The following GLYATL2 variants were observed in gnomAD, a reference collection of about 807,000 sequenced individuals.
GLYATL2 encodes the protein glycine-N-acyltransferase like 2, also known as glycine N-acyltransferase-like protein 2.
In GLYATL2, 25 loss-of-function variants were observed where a neutral mutation model predicts 21.4. The observed-to-expected ratio is 1.17, with a 90% CI of 0.85 to 1.63. GLYATL2 has a LOEUF of 1.63. Among genes scored for constraint, GLYATL2 ranks in the 40% most tolerant of loss-of-function variants. GLYATL2 has a pLI of 0.00. For synonymous variants in GLYATL2, 114 were observed against 118.2 expected (o/e 0.96, Z 0.23); for missense variants, 361 against 343.3 (o/e 1.05, Z -0.41).
At chr11:58,864,124 G>A (rs1392410142) in intron 1 of GLYATL2, among the ~76,000 whole-genome samples, 3 of 152,110 alleles carry the variant, frequency 2.0e-5, no homozygotes, top group African/African-American at 7.2e-5. Context: ...GACCACGGGG[G>A]CTAGCCTGGC....
At chr11:58,902,196 T>G (rs1207178856) in intron 1 of GLYATL2, among the ~76,000 whole-genome samples, 12 of 152,104 alleles carry the variant, frequency 7.9e-5, no homozygotes, top group Non-Finnish European at 1.5e-4. Flanking sequence ...GTGAGTGAGG[T>G]GAGCCCACTA....
intron 3 of GLYATL2, among the ~76,000 whole-genome samples, 184 bp from the exon 4 acceptor site, chr11:58,837,581 T>C (rs79132020): frequency 6.6e-6 from 1 of 152,228 alleles, no homozygotes; most frequent in Admixed American, 6.5e-5. Flanking sequence ...ATAGTTGCTT[T>C]CTTTTAGGGC....
intron 1 of GLYATL2, among the ~76,000 whole-genome samples, chr11:58,854,145 T>A (rs551010805): frequency 2.6e-3 from 401 of 152,370 alleles, no homozygotes; most frequent in African/African-American, 9.1e-3. Flanking sequence ...TCCTTCTTTT[T>A]AAAAGCTGAT....
intron 1 of GLYATL2, among the ~76,000 whole-genome samples, chr11:58,852,634 G>A (rs1444909860): frequency 6.6e-6 from 1 of 152,160 alleles, no homozygotes. Context: ...CAGGATTAAG[G>A]CCACAGAACC....
chr11:58,889,723 T>C (rs1854507249), intron 1 of GLYATL2, among the ~76,000 whole-genome samples: 1 of 152,132 alleles, frequency 6.6e-6, no homozygotes, highest in Non-Finnish European at 1.5e-5. Flanking sequence ...AAACTGTTCA[T>C]GTTCACATCC....
In GLYATL2 at chr11:58,867,842, G is replaced by A. The variant is rs1225317785; in HGVS notation, n.61-29474C>T. 1.3e-4 allele frequency among the ~76,000 whole-genome samples: 19 copies of A among 148,842 alleles called. 4 individuals are homozygous for A. The Admixed American group carries it at 1.3e-3, about 10-fold the overall frequency. On this transcript the variant is annotated intron_variant and non_coding_transcript_variant, in intron 1 of 4. Transcript: ENST00000533636. ...CTAGATATATCAGAGAAGTGGACTTGGAGAATCCCCTGCTGGAGTCCTGCA... is the reference window on the plus strand; with the variant it reads ...CTAGATATATCAGAGAAGTGGACTTAGAGAATCCCCTGCTGGAGTCCTGCA...
At chr11:58,907,247 C>T (rs1477618593), upstream of GLYATL2, 6 of 456,140 alleles carry the variant, frequency 1.3e-5, no homozygotes, top group Non-Finnish European at 2.2e-5. Context: ...GCAGGTCACC[C>T]GCCAGGTTTG....
In GLYATL2 at chr11:58,844,687, A is replaced by C. The variant is rs991329652; in HGVS notation, c.-294T>G. ...ACTGAGAATATGTTCCATATTGAGC[A>C]GCTTCTACAATTCTAAGAAGTTTTA... On this transcript the variant is annotated 5_prime_UTR_variant, in exon 1 of 6. Transcript: ENST00000287275. 6.6e-6 allele frequency: 1 copy of C among 152,240 alleles called. No homozygotes were observed. Among genetic ancestry groups the C allele is most frequent in the Non-Finnish European group, 1.5e-5 (1 of 68,040 alleles). 9.4% of individuals were successfully genotyped at this position (152,240 alleles called of 1,614,324 possible).
chr11:58,895,526 G>C (rs1353915395), intron 1 of GLYATL2, among the ~76,000 whole-genome samples: 1 of 152,126 alleles, frequency 6.6e-6, no homozygotes, highest in Non-Finnish European at 1.5e-5. Context: ...CTTGTTGATG[G>C]CTGCAATCTC....
intron 1 of GLYATL2, among the ~76,000 whole-genome samples, chr11:58,888,299 T>C (rs1415941814): frequency 6.6e-6 from 1 of 152,084 alleles, no homozygotes; most frequent in Non-Finnish European, 1.5e-5. Flanking sequence ...CATGAAGAAA[T>C]TTTGAATTTT....
At chr11:58,886,272 CTG>C (rs1854438094) in intron 1 of GLYATL2, among the ~76,000 whole-genome samples, 2 of 152,162 alleles carry the variant, frequency 1.3e-5, no homozygotes, top group African/African-American at 4.8e-5. Flanking sequence ...CTCATAATTA[CTG>C]TGTGTCAACT....
At chr11:58,886,840 A>C (rs1854450661) in intron 1 of GLYATL2, among the ~76,000 whole-genome samples, 1 of 152,172 alleles carries the variant, frequency 6.6e-6, no homozygotes, top group African/African-American at 2.4e-5. Flanking sequence ...CCCCAGGTCA[A>C]GACTAGTTTG....
chr11:58,906,894 G>C (rs941861219), upstream of GLYATL2, among the ~76,000 whole-genome samples: 7 of 152,124 alleles, frequency 4.6e-5, no homozygotes, highest in African/African-American at 1.7e-4. Flanking sequence ...GGATGAGGCA[G>C]GTAAAAGTGC....
intron 3 of GLYATL2, among the ~76,000 whole-genome samples, chr11:58,837,873 T>G (rs1474603513): frequency 6.6e-6 from 1 of 152,176 alleles, no homozygotes; most frequent in Non-Finnish European, 1.5e-5. Flanking sequence ...GTACCTAGAA[T>G]AGACAGCTCA....
intron 1 of GLYATL2, among the ~76,000 whole-genome samples, chr11:58,890,975 GT>G (rs1471756910): frequency 1.3e-5 from 2 of 151,580 alleles, no homozygotes; most frequent in African/African-American, 4.8e-5. Context: ...AGCTCCATTT[GT>G]TTTTTACTAG....
intron 1 of GLYATL2, among the ~76,000 whole-genome samples, chr11:58,868,864 C>T (rs1450663564): frequency 2.0e-5 from 3 of 149,100 alleles, no homozygotes; most frequent in Non-Finnish European, 3.0e-5. Context: ...AGGCTCTGCT[C>T]CTCTAAATTT....
chr11:58,868,037 GA>G (rs1854050833), intron 1 of GLYATL2, among the ~76,000 whole-genome samples: 1 of 148,760 alleles, frequency 6.7e-6, no homozygotes, highest in Non-Finnish European at 1.5e-5. Context: ...AGTGGTCTAA[GA>G]AACTGGCAAG....
chr11:58,899,376 T>C (rs1443969721), intron 1 of GLYATL2, among the ~76,000 whole-genome samples: 1 of 151,974 alleles, frequency 6.6e-6, no homozygotes, highest in Non-Finnish European at 1.5e-5. Flanking sequence ...GAAGCTTACA[T>C]TCTGGAGCAG....
chr11:58,891,292 G>A (rs760227118), intron 1 of GLYATL2, among the ~76,000 whole-genome samples: 1 of 152,088 alleles, frequency 6.6e-6, no homozygotes, highest in African/African-American at 2.4e-5. Flanking sequence ...TACTGATCTT[G>A]CCATGAAGTT....
Sources: gnomAD v4.1 joint callset for allele counts (sites outside exome capture counted in the v4.1 genomes callset) on GRCh38, gnomAD v4.1.1 for gene constraint, MANE v1.5 for transcripts, NCBI Gene and HGNC (gene_info 2026-07-23, HGNC 2026-07-21) for gene names.